DNAH17: variants seen among roughly 807,000 people sequenced by gnomAD.
DNAH17 encodes the protein axonemal beta dynein heavy chain 17.
A neutral mutation model predicts 485.6 loss-of-function variants in DNAH17; 376 were observed. That is an observed-to-expected ratio of 0.77 (90% CI 0.71 to 0.84). DNAH17 has a LOEUF of 0.84. Ranked by LOEUF, DNAH17 falls within the 40% of genes least tolerant of loss-of-function variation. DNAH17 has a pLI of 0.00. For missense variants in DNAH17, 6,370 were observed against 5,839.3 expected, an observed-to-expected ratio of 1.09 and a Z score of -2.96; for synonymous variants, 3,031 against 2,405.9, an observed-to-expected ratio of 1.26 and a Z score of -7.60.
In DNAH17 at chr17:78,526,865, C is replaced by A; in HGVS notation, c.3624+15G>T. 3.2e-6 allele frequency: 5 copies of A among 1,563,052 alleles called. No individual in the cohort carries two copies. Among genetic ancestry groups the A allele is most frequent in the Non-Finnish European group, 4.3e-6 (5 of 1,152,542 alleles). ...GCTCCCCGGAAATCCCGCCACCCTG[C>A]CCCAGGTATAATACCTCGAATTGCT... On this transcript the variant is annotated intron_variant, in intron 23 of 80. Coordinates refer to ENST00000389840, the MANE Select transcript of DNAH17 (RefSeq NM_173628.4).
chr17:78,569,312 A>G, intron 8 of DNAH17, 60 bp from the exon 9 acceptor site: 1 of 1,601,674 alleles, frequency 6.2e-7, no homozygotes, highest in South Asian at 1.1e-5. Flanking sequence ...AGTTTATCAA[A>G]TATCGGGGCT....
At chr17:78,526,569 A>G (rs893943418) in intron 24 of DNAH17, 82 bp downstream of exon 24, 4 of 1,251,212 alleles carry the variant, frequency 3.2e-6, no homozygotes, top group Non-Finnish European at 4.4e-6. Flanking sequence ...ACGTTTCTGG[A>G]CTTGAAAGGA....
intron 56 of DNAH17, among the ~76,000 whole-genome samples, chr17:78,463,531 C>A (rs772358041): frequency 3.9e-5 from 6 of 152,216 alleles, no homozygotes; most frequent in Admixed American, 1.3e-4. Flanking sequence ...TGCATATGTA[C>A]ACGTGCACAT....
chr17:78,490,020 A>T (rs894975), intron 44 of DNAH17: 40,764 of 152,118 alleles, frequency 0.27, 5,681 homozygotes, highest in Non-Finnish European at 0.29. Flanking sequence ...TTACTCTGTC[A>T]ATCACCAGCC....
At chr17:78,428,972 CT>C in intron 76 of DNAH17, 148 bp downstream of exon 76, 1 of 676,016 alleles carries the variant, frequency 1.5e-6, no homozygotes, top group African/African-American at 1.9e-5. Context: ...CCTTGTGCTT[CT>C]TCCAAGTGAG....
intron 16 of DNAH17, among the ~76,000 whole-genome samples, chr17:78,547,950 T>G (rs536425179): frequency 8.1e-4 from 124 of 152,322 alleles, no homozygotes; most frequent in Non-Finnish European, 1.2e-3. Flanking sequence ...ATGATTTTTA[T>G]GTTGTTCGTC....
chr17:78,528,415 T>C (rs972510698), intron 22 of DNAH17, among the ~76,000 whole-genome samples: 9 of 152,128 alleles, frequency 5.9e-5, no homozygotes, highest in African/African-American at 2.2e-4. Context: ...CCACCATGCC[T>C]GGCTAATTTT....
intron 73 of DNAH17, among the ~76,000 whole-genome samples, chr17:78,438,429 A>AGGAGGAG (rs2086928388): frequency 2.0e-4 from 1 of 4,976 alleles, no homozygotes; most frequent in Non-Finnish European, 3.8e-4. Context: ...GAGGAGAAGG[A>AGGAGGAG]GGAGGAGGAG....
Position 78,532,669 on chromosome 17 carries a change from G to A in DNAH17, c.2927C>T (p.Ala976Val), listed in dbSNP as rs1216262359. ...CTGGTACTCCTCGGCCTCCTTCATGGCATTGATGACCAGGCTGGACACCTC... is the reference window on the plus strand; with the variant it reads ...CTGGTACTCCTCGGCCTCCTTCATGACATTGATGACCAGGCTGGACACCTC... ...REEVSSLVIN[A>V]MKEAEEYQDS... Residue 976 changes from alanine (A) to valine (V), a missense_variant, in exon 20 of 81, where the codon GCC becomes GTC. By Grantham distance (64) the Ala-to-Val change is moderately conservative. Coordinates refer to ENST00000389840, the MANE Select transcript of DNAH17 (RefSeq NM_173628.4). The A allele has an allele frequency of 1.9e-6, 3 of 1,594,232 alleles. No individual in the cohort carries two copies. Among genetic ancestry groups the A allele is most frequent in the South Asian group, 2.3e-5 (2 of 87,938 alleles).
chr17:78,559,150 G>A (rs1321515651), intron 13 of DNAH17, among the ~76,000 whole-genome samples: 1 of 152,224 alleles, frequency 6.6e-6, no homozygotes, highest in Non-Finnish European at 1.5e-5. Context: ...TCCGCTGAAT[G>A]AGGTAATGAG....
intron 74 of DNAH17, 125 bp from the exon 75 acceptor site, chr17:78,434,345 C>G: frequency 1.2e-6 from 1 of 865,530 alleles, no homozygotes; most frequent in South Asian, 1.8e-5. Flanking sequence ...GTGGGGGGTA[C>G]AAAGCTGTGG....
Position 78,507,475 on chromosome 17 carries a change from T to C in DNAH17, c.4567A>G (p.Ile1523Val), listed in dbSNP as rs1321453972. 2 of 1,612,276 alleles carry C rather than the reference T, an allele frequency of 1.2e-6. No individual in the cohort carries two copies. The highest frequency in any genetic ancestry group is 1.7e-5 in the Admixed American group (1 of 60,006). Residue 1523 changes from isoleucine (I) to valine (V), a missense_variant, in exon 28 of 81, where the codon ATC becomes GTC. By Grantham distance (29) the Ile-to-Val change is conservative (BLOSUM62 3). Transcript: ENST00000389840. ...GTGCTCACCTTGAATTCCTGGTTGA[T>C]GTCGTCAAAGCGCTGGGAGTCCCCC... is the stretch of plus-strand genomic sequence containing the variant. ...LPGDSQRFDD[I>V]NQEFKALMED...
chr17:78,481,445 T>C (rs2089347542), intron 48 of DNAH17, among the ~76,000 whole-genome samples: 2 of 152,054 alleles, frequency 1.3e-5, no homozygotes, highest in African/African-American at 2.4e-5. Context: ...GACTTCATGC[T>C]CTCCAGAGAA....
chr17:78,478,494 T>G, intron 51 of DNAH17, among the ~76,000 whole-genome samples: 2 of 138,044 alleles, frequency 1.4e-5, no homozygotes, highest in South Asian at 4.8e-4. Context: ...ACTATCACCA[T>G]CATTATCACC....
rs1448466016 is a variant in DNAH17 at position 78,560,740 on chromosome 17, C to T, written c.2031G>A (p.Ala677=). 24 of 1,548,118 alleles carry T rather than the reference C, an allele frequency of 1.6e-5. 1 individual carries two copies. Among genetic ancestry groups the T allele is most frequent in the Middle Eastern group, 3.5e-4 (2 of 5,718 alleles). ...CGCGGTCCCCACTCCTGGCACCCAC[C>T]GCTTTGCTGAAGTTGACGTGGATGA... ...SNLIHVNFSK[A]LVAVLREVKY... is the part of the protein sequence containing the mutation. The change falls in exon 13 of 81, where the codon GCG becomes GCA. Residue 677 remains alanine (A), a splice_region_variant and synonymous_variant. Transcript: ENST00000389840.
At chr17:78,460,365 C>CGTGCATGAGTGTATGTGTGCATATAT (rs1435136744) in intron 58 of DNAH17, 108 bp from the exon 59 acceptor site, 5 of 910,486 alleles carry the variant, frequency 5.5e-6, no homozygotes, top group Non-Finnish European at 8.2e-6. Context: ...CATGTATGCA[C>CGTGCATGAGTGTATGTGTGCATATAT]GTGCATGAGT....
chr17:78,510,753 C>CCCCCCA (rs2090614962), intron 26 of DNAH17: 1 of 422,112 alleles, frequency 2.4e-6, no homozygotes, highest in African/African-American at 2.1e-5. Context: ...GAATTGCGGC[C>CCCCCCA]CCCCCGCAAA....
intron 25 of DNAH17, among the ~76,000 whole-genome samples, chr17:78,521,860 G>A (rs138502931): frequency 3.7e-4 from 56 of 152,112 alleles, no homozygotes; most frequent in Admixed American, 2.8e-3. Flanking sequence ...GGTGGCGTGC[G>A]CCTGTAATCC....
chr17:78,548,125 A>G (rs1178224776), intron 16 of DNAH17, among the ~76,000 whole-genome samples: 1 of 147,990 alleles, frequency 6.8e-6, no homozygotes, highest in Non-Finnish European at 1.5e-5. Flanking sequence ...TTTCTTAGCC[A>G]TGTCCTTTCC....
Sources: gnomAD v4.1 joint callset for allele counts (sites outside exome capture counted in the v4.1 genomes callset) on GRCh38, gnomAD v4.1.1 for gene constraint, MANE v1.5 for transcripts, NCBI Gene and HGNC (gene_info 2026-07-23, HGNC 2026-07-21) for gene names.